Variants in TPX2 observed in about 807,000 individuals in gnomAD.
TPX2 encodes the protein TPX2 microtubule nucleation factor, also known as targeting protein for Xklp2.
TPX2 carries 21 observed loss-of-function variants against 93.6 expected under a neutral mutation model. The ratio of observed to expected loss-of-function variants is 0.22; its 90% CI spans 0.16 to 0.32. The LOEUF (loss-of-function observed/expected upper bound fraction) is 0.32, where lower values mean the gene tolerates loss of function less well. TPX2 is among the 10% of genes least tolerant of loss of function. The probability of loss-of-function intolerance (pLI) is 1.00; values close to 1 mark genes in which losing one functional copy is unlikely to be tolerated. For synonymous variants in TPX2, 281 were observed against 298.3 expected (o/e 0.94, Z 0.60); for missense variants, 776 against 871.1 (o/e 0.89, Z 1.37).
At chr20:31,754,236 A>G (rs1006953503) in intron 2 of TPX2, among the ~76,000 whole-genome samples, 2 of 151,784 alleles carry the variant, frequency 1.3e-5, no homozygotes, top group Admixed American at 6.6e-5. Context: ...TGCAGCCACC[A>G]CCCCAGGCTA....
intron 8 of TPX2, 68 bp downstream of exon 8, chr20:31,776,056 T>G (rs1434130338): frequency 3.0e-5 from 11 of 366,622 alleles, no homozygotes; most frequent in Admixed American, 1.3e-4. Context: ...AGGTGTTTTT[T>G]TTTTTTTTTT....
At chr20:31,773,978 TCTC>T (rs201852190) in intron 7 of TPX2, among the ~76,000 whole-genome samples, 1,896 of 152,114 alleles carry the variant, frequency 0.012, 34 homozygotes, top group African/African-American at 0.044. Flanking sequence ...TTCAAGTGAT[TCTC>T]CTCCCTCAGC....
intron 12 of TPX2, among the ~76,000 whole-genome samples, chr20:31,791,913 T>TAATA (rs1419922420): frequency 3.9e-5 from 6 of 152,222 alleles, no homozygotes; most frequent in African/African-American, 1.4e-4. Flanking sequence ...TTGCCAGATT[T>TAATA]GTGATAGAAT....
chr20:31,763,752 C>A (rs1350747872), intron 4 of TPX2, among the ~76,000 whole-genome samples: 1 of 141,542 alleles, frequency 7.1e-6, no homozygotes, highest in Non-Finnish European at 1.5e-5. Flanking sequence ...GGACGTGATA[C>A]CTCATGCCTG....
Position 31,797,420 on chromosome 20 carries a change from G to A in TPX2, c.1850G>A (p.Arg617Lys), listed in dbSNP as rs1213159097. Residue 617 changes from arginine to lysine, a missense_variant, in exon 16 of 18, where the codon AGA (arginine) becomes AAA (lysine). This residue lies in a region of TPX2 where 461 missense variants were observed against 551.2 expected (regional missense o/e 0.84). Coordinates refer to ENST00000300403, the MANE Select transcript of TPX2 (RefSeq NM_012112.5). ...CTCTAATAGCTGGAAGAAGAACTGA[G>A]ACAGCAGAAAGAAGCAGCTTGTTTC... Reference protein sequence around the residue: ...TWKHQLEEELRQQKEAACFKA... With the variant: ...TWKHQLEEELKQQKEAACFKA... 2 of 1,614,106 alleles carry A rather than the reference G, an allele frequency of 1.2e-6. No homozygotes were observed. Among genetic ancestry groups the A allele is most frequent in the Non-Finnish European group, 1.7e-6 (2 of 1,179,982 alleles).
Position 31,788,542 on chromosome 20 carries a change from G to A in TPX2, c.1414-4193G>A, listed in dbSNP as rs115166680. 2.0e-3 allele frequency among the ~76,000 whole-genome samples: 307 copies of A among 151,728 alleles called. 3 individuals are homozygous for A. The highest frequency in any genetic ancestry group is 0.014 in the Middle Eastern group (4 of 294). ...TCTGATGCTTTTGTTCCCCATCCACGTCCCCCCCAGTGCTGAAGCTGTTTC... is the reference window on the plus strand; with the variant it reads ...TCTGATGCTTTTGTTCCCCATCCACATCCCCCCCAGTGCTGAAGCTGTTTC... On this transcript the variant is annotated intron_variant, in intron 12 of 17. Coordinates refer to ENST00000300403, the MANE Select transcript of TPX2 (RefSeq NM_012112.5).
intron 12 of TPX2, among the ~76,000 whole-genome samples, chr20:31,786,402 T>TTTTTTTTTTTTG (rs1555787860): frequency 9.0e-6 from 1 of 111,504 alleles, no homozygotes; most frequent in African/African-American, 4.4e-5. Context: ...GAACTACTGT[T>TTTTTTTTTTTTG]TTTTTTTTTT....
At chr20:31,761,968 A>G (rs1473369177) in intron 4 of TPX2, among the ~76,000 whole-genome samples, 1 of 152,184 alleles carries the variant, frequency 6.6e-6, no homozygotes, top group Non-Finnish European at 1.5e-5. Flanking sequence ...ATGAAAGGAT[A>G]TCTCATTGTG....
intron 6 of TPX2, 106 bp from the exon 7 acceptor site, chr20:31,771,454 C>T (rs2123027179): frequency 5.7e-6 from 8 of 1,396,390 alleles, no homozygotes; most frequent in South Asian, 4.5e-5. Flanking sequence ...TGCTTGTTAT[C>T]CTATAGAATG....
chr20:31,790,030 A>T (rs112187236), intron 12 of TPX2, among the ~76,000 whole-genome samples: 13,353 of 152,258 alleles, frequency 0.088, 659 homozygotes, highest in African/African-American at 0.14. Flanking sequence ...GAACAGACAG[A>T]CCCGTGGCTT....
chr20:31,779,129 C>A (rs1467077657), intron 10 of TPX2, 145 bp downstream of exon 10: 3 of 932,108 alleles, frequency 3.2e-6, no homozygotes, highest in Non-Finnish European at 4.5e-6. Flanking sequence ...CAAATGTATC[C>A]TTCAGAATTT....
At chr20:31,796,916 A>T (rs1006324982) in intron 15 of TPX2, among the ~76,000 whole-genome samples, 1 of 152,054 alleles carries the variant, frequency 6.6e-6, no homozygotes, top group African/African-American at 2.4e-5. Flanking sequence ...TTCAATATGT[A>T]TAATGTGTAA....
intron 2 of TPX2, among the ~76,000 whole-genome samples, chr20:31,756,142 T>TA (rs2061850142): frequency 6.6e-6 from 1 of 152,220 alleles, no homozygotes; most frequent in African/African-American, 2.4e-5. Flanking sequence ...TGCACTGTGT[T>TA]AAGCACCTTG....
Position 31,772,154 on chromosome 20 carries a change from C to T in TPX2, c.608+472C>T, listed in dbSNP as rs146758404. Among the ~76,000 whole-genome samples the T allele has an allele frequency of 4.6e-3, 701 of 151,728 alleles. 1 individual carries two copies. Among genetic ancestry groups the T allele is most frequent in the Middle Eastern group, 0.01 (3 of 294 alleles). On this transcript the variant is annotated intron_variant, in intron 7 of 17. Coordinates refer to ENST00000300403, the MANE Select transcript of TPX2 (RefSeq NM_012112.5). ...TCCTGCCTCAGCCTCCCGAGTAGCC[C>T]GGATTACAGGTGTGCACCACCACAC...
intron 5 of TPX2, 104 bp downstream of exon 5, chr20:31,766,786 T>A: frequency 9.1e-7 from 1 of 1,096,700 alleles, no homozygotes; most frequent in Non-Finnish European, 1.2e-6. Flanking sequence ...TATGGACACC[T>A]TTATGTTACT....
intron 12 of TPX2, among the ~76,000 whole-genome samples, chr20:31,790,020 G>A (rs116295076): frequency 0.012 from 1,884 of 152,290 alleles, 33 homozygotes; most frequent in African/African-American, 0.043. Context: ...AGCTGGGCTG[G>A]AACAGACAGA....
At chr20:31,795,202 C>T (rs1205332004) in intron 15 of TPX2, among the ~76,000 whole-genome samples, 3 of 152,194 alleles carry the variant, frequency 2.0e-5, no homozygotes, top group Middle Eastern at 3.4e-3. Context: ...AGTGCGATCT[C>T]GGCTCACTGC....
chr20:31,783,487 A>C (rs1040383233), intron 11 of TPX2, among the ~76,000 whole-genome samples: 4 of 151,968 alleles, frequency 2.6e-5, no homozygotes, highest in Non-Finnish European at 1.5e-5. Context: ...CTGACCTCAA[A>C]TTATCTGCTC....
intron 2 of TPX2, among the ~76,000 whole-genome samples, chr20:31,756,188 A>C (rs1419154242): frequency 6.6e-6 from 1 of 152,248 alleles, no homozygotes; most frequent in East Asian, 1.9e-4. Flanking sequence ...TGAGGTATAC[A>C]CAAGTGAGTA....
Sources: gnomAD v4.1 joint callset for allele counts (sites outside exome capture counted in the v4.1 genomes callset) on GRCh38, gnomAD v4.1.1 for gene constraint, gnomAD v4.1.1 regional missense constraint, MANE v1.5 for transcripts, NCBI Gene and HGNC (gene_info 2026-07-23, HGNC 2026-07-21) for gene names.